The following ARHGAP44 variants were observed in gnomAD, a reference collection of about 807,000 sequenced individuals.
ARHGAP44 encodes the protein rho GTPase-activating protein 44.
A neutral mutation model predicts 106.8 loss-of-function variants in ARHGAP44; 43 were observed. The observed-to-expected ratio is 0.40, with a 90% CI of 0.32 to 0.52. ARHGAP44 has a LOEUF of 0.52. ARHGAP44 is among the 20% of genes least tolerant of loss of function. The pLI is 0.48. For synonymous variants in ARHGAP44, 439 were observed against 410.3 expected, an observed-to-expected ratio of 1.07 and a Z score of -0.85; for missense variants, 866 against 1,050.5, an observed-to-expected ratio of 0.82 and a Z score of 2.43.
chr17:12,965,343 C>A (rs10521204), intron 16 of ARHGAP44, among the ~76,000 whole-genome samples: 15,252 of 152,182 alleles, frequency 0.1, 890 homozygotes, highest in South Asian at 0.2. Context: ...GACAGCAACC[C>A]GAATGGTCTA....
intron 6 of ARHGAP44, among the ~76,000 whole-genome samples, chr17:12,923,314 G>A (rs567379642): frequency 8.6e-5 from 13 of 151,900 alleles, no homozygotes; most frequent in Admixed American, 5.9e-4. Context: ...AGGTTCAAGC[G>A]ATTCTCCTGC....
At chr17:12,877,926 G>A (rs2036606605) in intron 1 of ARHGAP44, among the ~76,000 whole-genome samples, 2 of 152,150 alleles carry the variant, frequency 1.3e-5, no homozygotes. Flanking sequence ...TTTGGATGAG[G>A]CCAGAACTCC....
chr17:12,944,126 G>C lies in ARHGAP44; in HGVS notation c.791G>C (p.Ser264Thr), dbSNP rs1281821003. The C allele has an allele frequency of 1.2e-6, 2 of 1,612,830 alleles. No individual in the cohort carries two copies. Among genetic ancestry groups the C allele is most frequent in the Non-Finnish European group, 1.7e-6 (2 of 1,179,770 alleles). ...GKPLEEHLTI[S>T]GREIAFPIEA... Reference sequence around the variant, plus strand: ...CCGCTGGAGGAGCACCTCACCATCAGCGGCCGGGAGATCGCCTTCCCCATC... The same window carrying C: ...CCGCTGGAGGAGCACCTCACCATCACCGGCCGGGAGATCGCCTTCCCCATC... Residue 264 changes from serine to threonine, a missense_variant, in exon 10 of 21, where the codon AGC becomes ACC. This residue lies in a region of ARHGAP44 where 448 missense variants were observed against 646.9 expected (regional missense o/e 0.69). Coordinates refer to ENST00000379672, the MANE Select transcript of ARHGAP44 (RefSeq NM_014859.6).
At chr17:12,889,505 C>G (rs1367880185) in intron 1 of ARHGAP44, among the ~76,000 whole-genome samples, 1 of 152,174 alleles carries the variant, frequency 6.6e-6, no homozygotes, top group Non-Finnish European at 1.5e-5. Context: ...CAGCATTAAT[C>G]TGAACACTTC....
At chr17:12,857,776 A>G (rs982160081) in intron 1 of ARHGAP44, among the ~76,000 whole-genome samples, 26 of 144,568 alleles carry the variant, frequency 1.8e-4, no homozygotes, top group African/African-American at 6.4e-4. Context: ...TTATTTATTT[A>G]TTTATTTATT....
intron 1 of ARHGAP44, among the ~76,000 whole-genome samples, chr17:12,815,515 G>A (rs2034573520): frequency 6.6e-6 from 1 of 152,172 alleles, no homozygotes; most frequent in Non-Finnish European, 1.5e-5. Flanking sequence ...TATGATCCCT[G>A]AGGAAAATGA....
chr17:12,920,810 G>T (rs7222419), intron 6 of ARHGAP44, among the ~76,000 whole-genome samples: 38,864 of 152,090 alleles, frequency 0.26, 9,112 homozygotes, highest in African/African-American at 0.61. Context: ...GTACCTGTAG[G>T]GCTGTTCTTC....
intron 3 of ARHGAP44, among the ~76,000 whole-genome samples, chr17:12,901,120 C>G (rs151070634): frequency 1.3e-5 from 2 of 151,934 alleles, no homozygotes; most frequent in Admixed American, 1.3e-4. Flanking sequence ...GACAGGGTTT[C>G]ACCATGTTGG....
chr17:12,805,392 C>A (rs1158359861), intron 1 of ARHGAP44, among the ~76,000 whole-genome samples: 1 of 152,134 alleles, frequency 6.6e-6, no homozygotes, highest in Non-Finnish European at 1.5e-5. Flanking sequence ...ACTGTATGTG[C>A]TCCTCTAAAA....
rs75827634 is a variant in ARHGAP44, at chr17:12,957,966, C to T, written c.1343-751C>T. Among the ~76,000 whole-genome samples the T allele has an allele frequency of 3.6e-3, 542 of 152,228 alleles. 10 individuals are homozygous for T. In the East Asian group the frequency reaches 0.056, roughly 16 times the overall value. ...TCTTTTGCTTCATGTGTTTTAAGGTCGAACTGCTGACTCCCTAAGAGTTGC... is the reference window on the plus strand; with the variant it reads ...TCTTTTGCTTCATGTGTTTTAAGGTTGAACTGCTGACTCCCTAAGAGTTGC... On this transcript the variant is annotated intron_variant, in intron 15 of 20. Transcript: ENST00000379672.
At chr17:12,915,663 C>T (rs2037888145) in intron 4 of ARHGAP44, among the ~76,000 whole-genome samples, 1 of 152,068 alleles carries the variant, frequency 6.6e-6, no homozygotes, top group East Asian at 1.9e-4. Flanking sequence ...CTCATGTTTC[C>T]CCACATTTCC....
chr17:12,967,249 C>CTTTTTTTTT (rs57651305), intron 16 of ARHGAP44, among the ~76,000 whole-genome samples: 8 of 93,186 alleles, frequency 8.6e-5, no homozygotes, highest in Non-Finnish European at 1.3e-4. Context: ...ACTCTTTTTG[C>CTTTTTTTTT]TTTTTTTTTT....
intron 1 of ARHGAP44, among the ~76,000 whole-genome samples, chr17:12,826,312 T>C (rs2034918198): frequency 6.6e-6 from 1 of 152,212 alleles, no homozygotes; most frequent in South Asian, 2.1e-4. Context: ...ATTTGTTTTC[T>C]TGTAATTCAT....
In ARHGAP44 at chr17:12,974,267, T is replaced by C; in HGVS notation, c.1720T>C (p.Ser574Pro). 6.7e-7 allele frequency: 1 copy of C among 1,503,402 alleles called. No homozygotes were observed. Among genetic ancestry groups the C allele is most frequent in the Non-Finnish European group, 8.9e-7 (1 of 1,129,438 alleles). 93.1% of individuals were successfully genotyped at this position (1,503,402 alleles called of 1,614,324 possible). Residue 574 changes from serine to proline, a missense_variant, in exon 18 of 21, where the codon TCT (serine) becomes CCT (proline). Transcript: ENST00000379672. ...PLDSPAAPAL[S>P]PSGLGLQPGP... ...GGACAGCCCCGCGGCCCCCGCGCTC[T>C]CTCCATCCGGCCTGGGCCTCCAGCC...
chr17:12,941,272 T>C, intron 8 of ARHGAP44, 148 bp downstream of exon 8: 1 of 675,748 alleles, frequency 1.5e-6, no homozygotes, highest in South Asian at 2.2e-5. Context: ...CCTGCCATGC[T>C]CCTGATATGG....
At chr17:12,829,811 C>T (rs1402353358) in intron 1 of ARHGAP44, among the ~76,000 whole-genome samples, 1 of 152,032 alleles carries the variant, frequency 6.6e-6, no homozygotes, top group Non-Finnish European at 1.5e-5. Flanking sequence ...GTCCTACTGC[C>T]CCACATTCAT....
intron 1 of ARHGAP44, among the ~76,000 whole-genome samples, chr17:12,824,934 G>A (rs1458193587): frequency 1.3e-5 from 2 of 151,800 alleles, no homozygotes; most frequent in African/African-American, 2.4e-5. Context: ...GACTACCCCA[G>A]TTTAGGTCAA....
At chr17:12,867,646 T>G (rs1480202233) in intron 1 of ARHGAP44, among the ~76,000 whole-genome samples, 1 of 152,216 alleles carries the variant, frequency 6.6e-6, no homozygotes, top group Non-Finnish European at 1.5e-5. Context: ...CAAAAGACTT[T>G]GGGAGTCATG....
chr17:12,872,011 A>C (rs182451013), intron 1 of ARHGAP44, among the ~76,000 whole-genome samples: 3 of 152,324 alleles, frequency 2.0e-5, no homozygotes, highest in Non-Finnish European at 1.5e-5. Flanking sequence ...GGACAAATAC[A>C]CATCCCCTTC....
Sources: allele counts gnomAD v4.1 joint callset (sites outside exome capture counted in the v4.1 genomes callset), GRCh38; gene constraint gnomAD v4.1.1; regional missense constraint gnomAD v4.1.1; transcripts MANE v1.5; gene names NCBI Gene and HGNC (gene_info 2026-07-23, HGNC 2026-07-21).